Variants in PKP2 observed in about 807,000 individuals in gnomAD.
PKP2 encodes plakophilin-2.
In PKP2, 73 loss-of-function variants were observed where a neutral mutation model predicts 83.4. The observed-to-expected ratio is 0.88, with a 90% CI of 0.72 to 1.06. The LOEUF is 1.06. Ranked by LOEUF, PKP2 falls within the 50% of genes least tolerant of loss-of-function variation. The pLI, the probability that PKP2 is intolerant of heterozygous loss-of-function variation, is 0.00. For synonymous variants in PKP2, 409 were observed against 430.4 expected, an observed-to-expected ratio of 0.95 and a Z score of 0.62; for missense variants, 966 against 1,065.4, an observed-to-expected ratio of 0.91 and a Z score of 1.30.
rs1366955346 is a variant in PKP2 at position 32,879,001 on chromosome 12, C to A, written c.255G>T (p.Glu85Asp). The stretch of plus-strand genomic sequence containing the variant: ...CAACCAAGTGTAGGTTGTAGACATA[C>A]TCAGGAACACTGCTGGTTCGGTGAA... Reference protein sequence around the residue: ...GNLHRTSSVPEYVYNLHLVEN... With the variant: ...GNLHRTSSVPDYVYNLHLVEN... The change falls in exon 2 of 13, where the codon GAG becomes GAT. Residue 85 changes from glutamate (E) to aspartate (D), a missense_variant. Transcript: ENST00000340811. 6.2e-7 allele frequency: 1 copy of A among 1,600,588 alleles called. No individual in the cohort carries two copies. Among genetic ancestry groups the A allele is most frequent in the East Asian group, 2.2e-5 (1 of 44,836 alleles).
intron 5 of PKP2, among the ~76,000 whole-genome samples, chr12:32,850,521 G>T (rs545486679): frequency 4.6e-5 from 7 of 151,564 alleles, no homozygotes; most frequent in African/African-American, 1.7e-4. Context: ...AGCTGAGATT[G>T]AGTCACTGCA....
chr12:32,886,794 C>A (rs1957034328), intron 1 of PKP2, among the ~76,000 whole-genome samples: 1 of 151,882 alleles, frequency 6.6e-6, no homozygotes, highest in Admixed American at 6.6e-5. Flanking sequence ...GAGTTTGAGA[C>A]CAGCCTGGGC....
rs116209904 is a variant in PKP2, at chr12:32,833,745, C to T, written c.1556+7283G>A. Among the ~76,000 whole-genome samples the T allele has an allele frequency of 7.2e-3, 1,089 of 152,192 alleles. 8 individuals carry two copies. The highest frequency in any genetic ancestry group is 0.025 in the African/African-American group (1,039 of 41,514). On this transcript the variant is annotated intron_variant, in intron 6 of 12. Transcript: ENST00000340811. ...TGCCATTTGTAGGAGAAATGCATTA[C>T]AAATTGCTTTTCTTCTTTAACCAGC...
At chr12:32,858,043 C>T (rs1398866038) in intron 4 of PKP2, among the ~76,000 whole-genome samples, 1 of 101,414 alleles carries the variant, frequency 9.9e-6, no homozygotes, top group Admixed American at 1.4e-4. Context: ...GCCCTGGGAA[C>T]ACAGGGAGAC....
chr12:32,806,163 C>T (rs931811482), intron 9 of PKP2, among the ~76,000 whole-genome samples: 5 of 152,150 alleles, frequency 3.3e-5, no homozygotes, highest in Non-Finnish European at 7.3e-5. Flanking sequence ...GGATATTGGC[C>T]TGAAGTTTTC....
At chr12:32,851,010 T>C in intron 4 of PKP2, 37 bp from the exon 5 acceptor site, 1 of 1,548,242 alleles carries the variant, frequency 6.5e-7, no homozygotes, top group Non-Finnish European at 8.9e-7. Context: ...TAATATTAAT[T>C]TTGATGTGGC....
At chr12:32,862,955 C>T (rs1028017503) in intron 4 of PKP2, among the ~76,000 whole-genome samples, 67 of 152,034 alleles carry the variant, frequency 4.4e-4, no homozygotes, top group Admixed American at 7.2e-4. Flanking sequence ...GCTAAGATCG[C>T]GCCACTGCAT....
At chr12:32,822,769 GAA>G in intron 7 of PKP2, 138 bp from the exon 8 acceptor site, 1 of 824,868 alleles carries the variant, frequency 1.2e-6, no homozygotes, top group South Asian at 1.4e-5. Flanking sequence ...TTGCCTGGGG[GAA>G]ATGCAATGAG....
At chr12:32,821,296 A>G in intron 9 of PKP2, 60 bp downstream of exon 9, 1 of 1,372,620 alleles carries the variant, frequency 7.3e-7, no homozygotes, top group Non-Finnish European at 1.0e-6. Context: ...TCTGAATTGA[A>G]TGTAGGTATG....
intron 1 of PKP2, among the ~76,000 whole-genome samples, chr12:32,885,267 A>G (rs7302851): frequency 0.14 from 21,665 of 152,236 alleles, 1,881 homozygotes; most frequent in Non-Finnish European, 0.18. Context: ...TTGGAATGAT[A>G]TGATTCCTAA....
chr12:32,892,819 G>GC (rs1491510423), intron 1 of PKP2, among the ~76,000 whole-genome samples: 2 of 23,636 alleles, frequency 8.5e-5, no homozygotes, highest in Non-Finnish European at 1.2e-4. Flanking sequence ...GGGTGGGGGC[G>GC]GGGGGGGGGG....
chr12:32,869,151 C>T, intron 3 of PKP2, 89 bp from the exon 4 acceptor site: 4 of 1,430,844 alleles, frequency 2.8e-6, no homozygotes, highest in Non-Finnish European at 9.8e-7. Context: ...TCAGCGAATA[C>T]TGGGAAGCAC....
chr12:32,896,372 C>A, intron 1 of PKP2, 137 bp downstream of exon 1: 2 of 612,652 alleles, frequency 3.3e-6, no homozygotes, highest in Non-Finnish European at 5.4e-6. Context: ...GCAAGTCGGT[C>A]ATACCGAAGA....
chr12:32,816,329 T>C (rs1347015856), intron 9 of PKP2, among the ~76,000 whole-genome samples: 1 of 152,184 alleles, frequency 6.6e-6, no homozygotes, highest in Non-Finnish European at 1.5e-5. Context: ...AGTGGGAGAA[T>C]ATGTGGTATT....
At chr12:32,896,389 G>A in intron 1 of PKP2, 120 bp downstream of exon 1, 1 of 704,352 alleles carries the variant, frequency 1.4e-6, no homozygotes, top group African/African-American at 1.9e-5. Flanking sequence ...AAGACGGCGA[G>A]CAACAGGTGG....
At chr12:32,832,767 A>G (rs181923487) in intron 6 of PKP2, among the ~76,000 whole-genome samples, 1 of 152,224 alleles carries the variant, frequency 6.6e-6, no homozygotes, top group Non-Finnish European at 1.5e-5. Flanking sequence ...CTGATTTTCA[A>G]TAGTAAGTTC....
chr12:32,802,345 T>C, intron 10 of PKP2, 58 bp downstream of exon 10: 4 of 1,533,690 alleles, frequency 2.6e-6, no homozygotes, highest in Non-Finnish European at 3.6e-6. Context: ...AGACAACATT[T>C]CATTGCATTG....
At chr12:32,823,720 C>G (rs1278653409) in intron 7 of PKP2, among the ~76,000 whole-genome samples, 1 of 151,950 alleles carries the variant, frequency 6.6e-6, no homozygotes, top group Admixed American at 6.6e-5. Context: ...CCTGCCTCAG[C>G]CTCCTGAGTA....
Position 32,796,683 on chromosome 12 carries a change from G to A in PKP2, c.2168-385C>T, listed in dbSNP as rs962908685. Among the ~76,000 whole-genome samples the A allele has an allele frequency of 2.0e-5, 3 of 152,176 alleles. No homozygotes were observed. In the South Asian group the frequency reaches 6.2e-4, roughly 32 times the overall value. ...CAAAGTGCTGGGATTACAGGCGTGA[G>A]ACACTGCGCCCGGCCAAGAACTTTC... On this transcript the variant is annotated intron_variant, in intron 10 of 12. Transcript: ENST00000340811.
Sources: allele counts gnomAD v4.1 joint callset (sites outside exome capture counted in the v4.1 genomes callset), GRCh38; gene constraint gnomAD v4.1.1; transcripts MANE v1.5; gene names NCBI Gene and HGNC (gene_info 2026-07-23, HGNC 2026-07-21).